The following DAB1 variants were observed in gnomAD, a reference collection of about 807,000 sequenced individuals.
DAB1 encodes the protein DAB adaptor protein 1.
A neutral mutation model predicts 64.6 loss-of-function variants in DAB1; 15 were observed. The ratio of observed to expected loss-of-function variants is 0.23; its 90% CI spans 0.16 to 0.36. The LOEUF is 0.36. Among genes scored for constraint, DAB1 ranks in the 10% least tolerant of loss-of-function variants. The pLI is 1.00. For missense variants in DAB1, 596 were observed against 706.7 expected (o/e 0.84, Z 1.78); for synonymous variants, 235 against 251.9 (o/e 0.93, Z 0.64).
chr1:57,336,391 T>G (rs1677079797), intron 1 of DAB1, among the ~76,000 whole-genome samples: 1 of 152,204 alleles, frequency 6.6e-6, no homozygotes, highest in South Asian at 2.1e-4. Flanking sequence ...AGGCAAAATT[T>G]GGATTCAGAA....
chr1:58,451,160 A>G (rs1424388270), intron 3 of DAB1, among the ~76,000 whole-genome samples: 1 of 152,142 alleles, frequency 6.6e-6, no homozygotes, highest in African/African-American at 2.4e-5. Context: ...TGCAATCACG[A>G]CTCACTGCAG....
chr1:58,049,884 T>G (rs1647522426), intron 5 of DAB1, among the ~76,000 whole-genome samples: 1 of 151,470 alleles, frequency 6.6e-6, no homozygotes, highest in African/African-American at 2.4e-5. Context: ...TTGGGGCTTT[T>G]AGCCTGGTAG....
At chr1:58,356,008 C>T (rs2100519913) in intron 3 of DAB1, among the ~76,000 whole-genome samples, 1 of 152,324 alleles carries the variant, frequency 6.6e-6, no homozygotes, top group East Asian at 1.9e-4. Flanking sequence ...GGAAAAACCA[C>T]AGTACTCCTC....
intron 9 of DAB1, among the ~76,000 whole-genome samples, chr1:57,035,426 T>A (rs1647109364): frequency 6.6e-6 from 1 of 152,160 alleles, no homozygotes; most frequent in African/African-American, 2.4e-5. Context: ...TGTGGGAGGA[T>A]AACCAGTGTC....
chr1:57,726,698 A>G (rs951282538), intron 6 of DAB1, among the ~76,000 whole-genome samples: 1 of 152,216 alleles, frequency 6.6e-6, no homozygotes, highest in Non-Finnish European at 1.5e-5. Context: ...CTTATTAAAC[A>G]TCTTCATTTT....
At chr1:57,984,248 G>GAA (rs1424657606) in intron 5 of DAB1, among the ~76,000 whole-genome samples, 2 of 139,078 alleles carry the variant, frequency 1.4e-5, no homozygotes, top group East Asian at 4.2e-4. Flanking sequence ...AAGAAAGAAA[G>GAA]AAAGAAAGAA....
chr1:57,433,497 T>G (rs143817317), intron 7 of DAB1, among the ~76,000 whole-genome samples: 2 of 152,132 alleles, frequency 1.3e-5, no homozygotes, highest in African/African-American at 4.8e-5. Context: ...AAAATCAGCA[T>G]GAAGTTCTTC....
At chr1:58,487,475 G>A (rs1645594969) in intron 3 of DAB1, among the ~76,000 whole-genome samples, 1 of 152,090 alleles carries the variant, frequency 6.6e-6, no homozygotes, top group South Asian at 2.1e-4. Flanking sequence ...ATTTATGCTT[G>A]TAAAATGAAT....
At chr1:57,068,142 G>A (rs1271549276) in intron 8 of DAB1, among the ~76,000 whole-genome samples, 1 of 149,664 alleles carries the variant, frequency 6.7e-6, no homozygotes, top group Non-Finnish European at 1.5e-5. Context: ...ATACTGCAAA[G>A]CTTCCTTTTA....
At chr1:58,362,177 T>C (rs764112280) in intron 3 of DAB1, among the ~76,000 whole-genome samples, 1 of 152,150 alleles carries the variant, frequency 6.6e-6, no homozygotes, top group Non-Finnish European at 1.5e-5. Context: ...CATCCCAGTC[T>C]CCATGAATAT....
intron 6 of DAB1, among the ~76,000 whole-genome samples, chr1:57,776,942 A>C (rs1649829211): frequency 6.6e-6 from 1 of 151,790 alleles, no homozygotes; most frequent in Non-Finnish European, 1.5e-5. Flanking sequence ...CAGCAGATAC[A>C]ATTTTCCTTC....
chr1:58,132,526 T>C (rs765401986), intron 5 of DAB1, among the ~76,000 whole-genome samples: 3 of 152,176 alleles, frequency 2.0e-5, no homozygotes, highest in Non-Finnish European at 4.4e-5. Context: ...TAAAAGTAGG[T>C]TGTCTTGCTC....
Position 58,470,788 on chromosome 1 carries a change from C to A in DAB1, n.257+35272G>T, listed in dbSNP as rs904788114. 3.9e-5 allele frequency among the ~76,000 whole-genome samples: 6 copies of A among 152,246 alleles called. No homozygotes were observed. In the South Asian group the frequency reaches 1.0e-3, roughly 26 times the overall value. ...CGACCTTCATGAATAGCTGTCTTAT[C>A]TTTGCTTGAGCATCTCCTATGACTG... is the stretch of plus-strand genomic sequence containing the variant. On this transcript the variant is annotated intron_variant and non_coding_transcript_variant, in intron 3 of 20. Coordinates refer to the DAB1 transcript ENST00000485760.
At chr1:57,727,241 C>T (rs1030297940) in intron 6 of DAB1, among the ~76,000 whole-genome samples, 9 of 152,204 alleles carry the variant, frequency 5.9e-5, no homozygotes, top group African/African-American at 2.2e-4. Context: ...TTCAAGCCAG[C>T]ACATGGGCAC....
chr1:58,199,609 G>A (rs1045483570), intron 4 of DAB1, among the ~76,000 whole-genome samples: 12 of 152,028 alleles, frequency 7.9e-5, no homozygotes, highest in African/African-American at 2.9e-4. Context: ...TTACTATAAT[G>A]CTACTACTAG....
chr1:58,323,833 G>A (rs906367170), intron 4 of DAB1, among the ~76,000 whole-genome samples: 5 of 151,046 alleles, frequency 3.3e-5, no homozygotes, highest in African/African-American at 9.8e-5. Flanking sequence ...GCTGAGGCAG[G>A]AGAATGGCGT....
At chr1:58,065,221 T>C (rs979756011) in intron 5 of DAB1, among the ~76,000 whole-genome samples, 3 of 152,326 alleles carry the variant, frequency 2.0e-5, no homozygotes, top group South Asian at 2.1e-4. Context: ...GCAAGATCAC[T>C]GGTTAGCAAG....
intron 4 of DAB1, among the ~76,000 whole-genome samples, chr1:58,171,489 C>T (rs1656173180): frequency 2.0e-5 from 3 of 152,198 alleles, no homozygotes; most frequent in Admixed American, 6.5e-5. Context: ...GCAGTAATTC[C>T]TCCATATCCA....
chr1:58,207,281 C>T (rs924764649), intron 4 of DAB1, among the ~76,000 whole-genome samples: 1 of 152,174 alleles, frequency 6.6e-6, no homozygotes, highest in African/African-American at 2.4e-5. Flanking sequence ...ACTGGTACAG[C>T]GGTTTTCAAA....
Sources: gnomAD v4.1 joint callset for allele counts (sites outside exome capture counted in the v4.1 genomes callset) on GRCh38, gnomAD v4.1.1 for gene constraint, MANE v1.5 for transcripts, NCBI Gene and HGNC (gene_info 2026-07-23, HGNC 2026-07-21) for gene names.